The following KIF16B variants were observed in gnomAD, a reference collection of about 807,000 sequenced individuals.
KIF16B encodes the protein kinesin family member 16B, also known as kinesin-like protein KIF16B.
Under a neutral mutation model 156.3 loss-of-function variants are expected in KIF16B, and 98 were observed. That is an observed-to-expected ratio of 0.63 (90% CI 0.53 to 0.74). The LOEUF (loss-of-function observed/expected upper bound fraction) is 0.74, where lower values mean the gene tolerates loss of function less well. Ranked by LOEUF, KIF16B falls within the 30% of genes least tolerant of loss-of-function variation. The pLI, the probability that KIF16B is intolerant of heterozygous loss-of-function variation, is 0.00. For synonymous variants in KIF16B, 564 were observed against 583.7 expected, an observed-to-expected ratio of 0.97 and a Z score of 0.49; for missense variants, 1,421 against 1,606.5, an observed-to-expected ratio of 0.88 and a Z score of 1.97.
At chr20:16,456,653 G>A (rs2067220124) in intron 12 of KIF16B, among the ~76,000 whole-genome samples, 1 of 152,128 alleles carries the variant, frequency 6.6e-6, no homozygotes, top group African/African-American at 2.4e-5. Context: ...AGTGTACCCA[G>A]ATTGGACCTT....
intron 21 of KIF16B, among the ~76,000 whole-genome samples, chr20:16,371,462 G>A (rs2064816263): frequency 1.3e-5 from 2 of 151,986 alleles, no homozygotes; most frequent in South Asian, 4.2e-4. Context: ...GTGGTGGCAG[G>A]CGCCTATAGT....
chr20:16,449,212 C>T (rs948596392), intron 12 of KIF16B, among the ~76,000 whole-genome samples: 2 of 151,966 alleles, frequency 1.3e-5, no homozygotes, highest in Admixed American at 1.3e-4. Flanking sequence ...GAGGCCAGCA[C>T]CTGACCAAAA....
chr20:16,309,942 A>G (rs972023733), intron 25 of KIF16B, among the ~76,000 whole-genome samples: 1 of 152,228 alleles, frequency 6.6e-6, no homozygotes, highest in Non-Finnish European at 1.5e-5. Context: ...AGCATGTAGT[A>G]AGGAATTAAA....
chr20:16,380,383 T>C (rs541873645), intron 18 of KIF16B, among the ~76,000 whole-genome samples: 1 of 152,364 alleles, frequency 6.6e-6, no homozygotes, highest in Non-Finnish European at 1.5e-5. Context: ...TCTCCTGAAG[T>C]GGCTTCTGAT....
intron 4 of KIF16B, among the ~76,000 whole-genome samples, chr20:16,514,883 C>T (rs2069088662): frequency 2.1e-5 from 1 of 46,540 alleles, no homozygotes; most frequent in East Asian, 5.7e-4. Flanking sequence ...GAGATTCCAT[C>T]TCAAAAAAAA....
At chr20:16,409,541 C>G (rs1641224360) in intron 15 of KIF16B, among the ~76,000 whole-genome samples, 1 of 151,994 alleles carries the variant, frequency 6.6e-6, no homozygotes, top group Non-Finnish European at 1.5e-5. Flanking sequence ...AAAGGCCAAA[C>G]AGGGCAAGAG....
At chr20:16,514,337 C>A (rs1407468341) in intron 4 of KIF16B, among the ~76,000 whole-genome samples, 1 of 152,030 alleles carries the variant, frequency 6.6e-6, no homozygotes, top group African/African-American at 2.4e-5. Flanking sequence ...CCGAACAGCA[C>A]TTACTGACTT....
intron 25 of KIF16B, among the ~76,000 whole-genome samples, chr20:16,282,543 G>T (rs1285353496): frequency 6.6e-6 from 1 of 152,050 alleles, no homozygotes; most frequent in African/African-American, 2.4e-5. Flanking sequence ...CCCATAGGGT[G>T]ATGAGAATCA....
intron 12 of KIF16B, among the ~76,000 whole-genome samples, chr20:16,435,086 C>T (rs908040846): frequency 6.6e-6 from 1 of 152,112 alleles, no homozygotes; most frequent in Non-Finnish European, 1.5e-5. Context: ...ACTATTTCAA[C>T]CATGTTTCTT....
At chr20:16,447,090 C>G (rs1399812300) in intron 12 of KIF16B, among the ~76,000 whole-genome samples, 4 of 152,056 alleles carry the variant, frequency 2.6e-5, no homozygotes, top group African/African-American at 9.7e-5. Context: ...AAATGACAGG[C>G]CACACTTGCA....
chr20:16,338,039 C>T (rs1411922721), intron 23 of KIF16B, among the ~76,000 whole-genome samples: 1 of 152,218 alleles, frequency 6.6e-6, no homozygotes, highest in East Asian at 1.9e-4. Context: ...GACTGATGTT[C>T]CTGGCTCTCC....
intron 12 of KIF16B, among the ~76,000 whole-genome samples, chr20:16,436,297 T>A (rs1348169823): frequency 6.6e-6 from 1 of 152,134 alleles, no homozygotes; most frequent in African/African-American, 2.4e-5. Flanking sequence ...CCAGATGGAA[T>A]GACAGAGGGC....
intron 3 of KIF16B, among the ~76,000 whole-genome samples, chr20:16,516,558 CA>C (rs760886515): frequency 1.3e-5 from 2 of 152,148 alleles, no homozygotes; most frequent in African/African-American, 2.4e-5. Context: ...GAGGAGATGC[CA>C]AACAAGGAAG....
At chr20:16,497,717 A>T (rs2068494501) in intron 10 of KIF16B, 39 bp from the exon 11 acceptor site, 1 of 1,379,780 alleles carries the variant, frequency 7.2e-7, no homozygotes, top group East Asian at 2.3e-5. Flanking sequence ...CAATTAATAA[A>T]CAGCAATAAT....
intron 24 of KIF16B, among the ~76,000 whole-genome samples, chr20:16,314,267 T>G (rs941106499): frequency 7.2e-5 from 11 of 152,244 alleles, no homozygotes; most frequent in African/African-American, 4.8e-5. Context: ...ATTTTTAAAT[T>G]CGTTGTCTGC....
intron 12 of KIF16B, among the ~76,000 whole-genome samples, chr20:16,440,880 T>C (rs56329134): frequency 0.13 from 19,796 of 151,848 alleles, 1,403 homozygotes; most frequent in Non-Finnish European, 0.17. Flanking sequence ...GTGGATCTTT[T>C]GGATGAAACA....
At chr20:16,564,926 G>C (rs186484547) in intron 1 of KIF16B, among the ~76,000 whole-genome samples, 1 of 151,774 alleles carries the variant, frequency 6.6e-6, no homozygotes, top group East Asian at 1.9e-4. Context: ...CCCAAGCCTT[G>C]AGCCCCCTGG....
chr20:16,494,476 A>G, intron 11 of KIF16B, 126 bp from the exon 12 acceptor site: 1 of 583,346 alleles, frequency 1.7e-6, no homozygotes, highest in African/African-American at 2.0e-5. Flanking sequence ...CGCGACTTTT[A>G]CCCCTGAAAG....
At chr20:16,391,336 G>A (rs975689711) in intron 17 of KIF16B, among the ~76,000 whole-genome samples, 9 of 152,096 alleles carry the variant, frequency 5.9e-5, no homozygotes, top group African/African-American at 2.2e-4. Flanking sequence ...CACAGCACGG[G>A]GCAGGACATT....
Sources: gnomAD v4.1 joint callset for allele counts (sites outside exome capture counted in the v4.1 genomes callset) on GRCh38, gnomAD v4.1.1 for gene constraint, MANE v1.5 for transcripts, NCBI Gene and HGNC (gene_info 2026-07-23, HGNC 2026-07-21) for gene names.